COL6A1: variants seen among roughly 807,000 people sequenced by gnomAD.
COL6A1 encodes the protein collagen type VI alpha 1 chain.
COL6A1 carries 80 observed loss-of-function variants against 145.6 expected under a neutral mutation model. The observed-to-expected ratio is 0.55, with a 90% CI of 0.46 to 0.66. COL6A1 has a LOEUF of 0.66. Among genes scored for constraint, COL6A1 ranks in the 30% least tolerant of loss-of-function variants. The pLI, the probability that COL6A1 is intolerant of heterozygous loss-of-function variation, is 0.00. For missense variants in COL6A1, 1,364 were observed against 1,473.8 expected (o/e 0.93, Z 1.22); for synonymous variants, 638 against 622.8 (o/e 1.02, Z -0.36).
At chr21:46,003,241 G>C in intron 34 of COL6A1, 92 bp downstream of exon 34, 1 of 1,607,604 alleles carries the variant, frequency 6.2e-7, no homozygotes, top group Non-Finnish European at 8.5e-7. Context: ...AGGAGGGCCT[G>C]GCGGTCACGA....
At chr21:46,002,173 G>A (rs367916308) in intron 31 of COL6A1, 45 bp from the exon 32 acceptor site, 23 of 1,572,936 alleles carry the variant, frequency 1.5e-5, no homozygotes, top group Middle Eastern at 1.9e-4. Context: ...TCGGCCCCGC[G>A]GCAGGCCTGG....
Position 45,992,358 on chromosome 21 carries a change from C to A in COL6A1, c.1237-5C>A. ...AACGCCGGCGTCTGTTTCTCTTCAT[C>A]CCAGGGGAACCCAGGACCTGACGGT... is the stretch of plus-strand genomic sequence containing the variant. On this transcript the variant is annotated splice_region_variant and splice_polypyrimidine_tract_variant and intron_variant, in intron 17 of 34. Transcript: ENST00000361866. 6.2e-7 allele frequency: 1 copy of A among 1,613,744 alleles called. No individual in the cohort carries two copies. The highest frequency in any genetic ancestry group is 8.5e-7 in the Non-Finnish European group (1 of 1,180,010).
In COL6A1 at chr21:45,986,547, T is replaced by C; in HGVS notation, c.450T>C (p.Asn150=). 2 of 1,564,280 alleles carry C rather than the reference T, an allele frequency of 1.3e-6. No homozygotes were observed. Among genetic ancestry groups the C allele is most frequent in the Non-Finnish European group, 8.7e-7 (1 of 1,154,442 alleles). ...LLVGGSHLKE[N]KYLIVVTDGH... is the part of the protein sequence containing the mutation. Reference sequence around the variant, plus strand: ...CCAGGGGCTCCCACCTGAAGGAGAATAAGTACCTGATTGTGGTGACCGACG... The same window carrying C: ...CCAGGGGCTCCCACCTGAAGGAGAACAAGTACCTGATTGTGGTGACCGACG... Residue 150 remains asparagine (N), a synonymous_variant, in exon 4 of 35, where the codon AAT becomes AAC. Coordinates refer to ENST00000361866, the MANE Select transcript of COL6A1 (RefSeq NM_001848.3).
chr21:45,986,504 C>CA, intron 3 of COL6A1, 22 bp from the exon 4 acceptor site: 2 of 1,552,372 alleles, frequency 1.3e-6, no homozygotes, highest in Non-Finnish European at 1.7e-6. Flanking sequence ...CTCGAGGTCT[C>CA]ACGCTGCCCT....
intron 19 of COL6A1, among the ~76,000 whole-genome samples, chr21:45,993,221 A>T (rs1257729177): frequency 2.6e-5 from 4 of 152,228 alleles, no homozygotes; most frequent in Non-Finnish European, 4.4e-5. Flanking sequence ...CCCAGAGCCG[A>T]GATGCCGGCG....
chr21:45,997,323 C>A, intron 20 of COL6A1, 98 bp from the exon 21 acceptor site: 1 of 1,130,654 alleles, frequency 8.8e-7, no homozygotes, highest in Non-Finnish European at 1.3e-6. Flanking sequence ...GCCTGGGGGC[C>A]CTGATGCCTC....
chr21:45,991,041 G>A lies in COL6A1; in HGVS notation c.1119G>A (p.Lys373=), dbSNP rs775128693. 5 of 1,613,216 alleles carry A rather than the reference G, an allele frequency of 3.1e-6. No individual in the cohort carries two copies. The highest frequency in any genetic ancestry group is 2.2e-5 in the South Asian group (2 of 91,080). The part of the protein sequence containing the change: ...DPGAFGLKGE[K]GEPGADGEAG... ...GTGCCTTTGGACTGAAAGGAGAAAAGGTGAGTGACTTGCGGCCCCTGGAGG... is the reference window on the plus strand; with the variant it reads ...GTGCCTTTGGACTGAAAGGAGAAAAAGTGAGTGACTTGCGGCCCCTGGAGG... The change falls in exon 15 of 35, where the codon AAG becomes AAA. Residue 373 remains lysine, a splice_region_variant and synonymous_variant. Transcript: ENST00000361866.
intron 9 of COL6A1, 84 bp from the exon 10 acceptor site, chr21:45,989,524 G>A (rs1397645181): frequency 5.7e-6 from 8 of 1,396,772 alleles, no homozygotes; most frequent in South Asian, 2.3e-5. Context: ...GGCCTGGGCT[G>A]GAGGGAGGGG....
At chr21:45,998,366 C>T (rs1249997522) in intron 23 of COL6A1, 32 bp from the exon 24 acceptor site, 1 of 1,613,144 alleles carries the variant, frequency 6.2e-7, no homozygotes, top group Non-Finnish European at 8.5e-7. Flanking sequence ...CAAATCAGAA[C>T]CCGGTATCAC....
chr21:45,989,283 C>T lies in COL6A1; in HGVS notation c.858+146C>T, dbSNP rs1247185505. ...GTGGGTGGGAGCAGACCTGGAGGGG[C>T]CACAGCCCAGCCATCCTTCCACACA... On this transcript the variant is annotated intron_variant, in intron 9 of 34. Transcript: ENST00000361866. 10 of 908,502 alleles carry T rather than the reference C, an allele frequency of 1.1e-5. No individual in the cohort carries two copies. The South Asian group carries it at 1.5e-4, about 14-fold the overall frequency. 56.3% of individuals were successfully genotyped at this position (908,502 alleles called of 1,614,324 possible).
In COL6A1 at chr21:45,982,093, C is replaced by G. The variant is rs1330915240; in HGVS notation, c.97+146C>G. 4.2e-6 allele frequency: 3 copies of G among 722,242 alleles called. No homozygotes were observed. In the African/African-American group the frequency reaches 5.3e-5, roughly 13 times the overall value. 44.7% of individuals were successfully genotyped at this position (722,242 alleles called of 1,614,324 possible). ...CCCCACTCCCCGCTCGGGGCGGCTG[C>G]AGCGCCCAGCTCTGCCCCACCGGGC... On this transcript the variant is annotated intron_variant, in intron 1 of 34. Transcript: ENST00000361866.
Position 45,999,688 on chromosome 21 carries a change from C to G in COL6A1, c.1772C>G (p.Pro591Arg), listed in dbSNP as rs1020480977. 1 of 1,612,354 alleles carries G rather than the reference C, an allele frequency of 6.2e-7. No individual in the cohort carries two copies. Among genetic ancestry groups the G allele is most frequent in the Non-Finnish European group, 8.5e-7 (1 of 1,179,448 alleles). Residue 591 changes from proline to arginine, a missense_variant, in exon 27 of 35, where the codon CCG (proline) becomes CGG (arginine). Transcript: ENST00000361866. Reference protein sequence around the residue: ...GPPGHQGPPGPDECEILDIIM... With the variant: ...GPPGHQGPPGRDECEILDIIM... ...CCAGGACACCAAGGACCGCCTGGGC[C>G]GGACGTAAGTGGGGCTCTGTGAACA...
rs1293323730 is a variant in COL6A1, at chr21:45,991,995, C to T, written c.1120-15C>T. 6.4e-7 allele frequency: 1 copy of T among 1,569,954 alleles called. No individual in the cohort carries two copies. The highest frequency in any genetic ancestry group is 2.4e-5 in the East Asian group (1 of 42,404). On this transcript the variant is annotated splice_polypyrimidine_tract_variant and intron_variant, in intron 15 of 34. Coordinates refer to ENST00000361866, the MANE Select transcript of COL6A1 (RefSeq NM_001848.3). ...CACCCCTGCCAGCGTGTGTGACTCCCCCGGTCTTCCCCAGGGCGAGCCTGG... is the reference window on the plus strand; with the variant it reads ...CACCCCTGCCAGCGTGTGTGACTCCTCCGGTCTTCCCCAGGGCGAGCCTGG...
intron 8 of COL6A1, among the ~76,000 whole-genome samples, chr21:45,988,470 G>GC (rs553996487): frequency 6.5e-5 from 9 of 138,508 alleles, no homozygotes; most frequent in East Asian, 4.6e-4. Flanking sequence ...GGATGTCGGG[G>GC]TCCAGATGGA....
chr21:45,997,759 A>G lies in COL6A1; in HGVS notation c.1521A>G (p.Glu507=), dbSNP rs781233511. ...CTGGAGACCCGGGGCTGATGGGTGAAAGGGTGAGTGTCCAACAGCTCGGGC... is the reference window on the plus strand; with the variant it reads ...CTGGAGACCCGGGGCTGATGGGTGAGAGGGTGAGTGTCCAACAGCTCGGGC... The part of the protein sequence containing the change: ...GPPGDPGLMG[E]RGEDGPAGNG... The change falls in exon 22 of 35, where the codon GAA becomes GAG. Residue 507 remains glutamate, a synonymous_variant. Coordinates refer to ENST00000361866, the MANE Select transcript of COL6A1 (RefSeq NM_001848.3). The G allele has an allele frequency of 3.3e-5, 52 of 1,590,110 alleles. No homozygotes were observed. The highest frequency in any genetic ancestry group is 1.8e-4 in the Middle Eastern group (1 of 5,604).
At chr21:45,995,971 G>C (rs920341363) in intron 20 of COL6A1, among the ~76,000 whole-genome samples, 1 of 152,214 alleles carries the variant, frequency 6.6e-6, no homozygotes, top group African/African-American at 2.4e-5. Flanking sequence ...CTCAGCCCTT[G>C]CCAGCCTTAC....
chr21:45,984,675 CACAGAGAGAGACAGAG>C (rs1569517731), intron 3 of COL6A1, among the ~76,000 whole-genome samples: 1 of 148,808 alleles, frequency 6.7e-6, no homozygotes, highest in East Asian at 2.0e-4. Flanking sequence ...GAGAAACAGA[CACAGAGAGAGACAGAG>C]ACAGAGAGAG....
Position 45,989,529 on chromosome 21 carries a change from G to A in COL6A1, c.859-79G>A, listed in dbSNP as rs544298939. On this transcript the variant is annotated intron_variant, in intron 9 of 34. Coordinates refer to ENST00000361866, the MANE Select transcript of COL6A1 (RefSeq NM_001848.3). The stretch of plus-strand genomic sequence containing the variant: ...GGCCTGACCAGGCCTGGGCTGGAGG[G>A]AGGGGTGTGGGGCTGGGTGGGACTG... 1.3e-5 allele frequency: 18 copies of A among 1,429,260 alleles called. No homozygotes were observed. In the South Asian group the frequency reaches 1.8e-4, roughly 15 times the overall value. The allele number at this position is 1,429,260 out of a possible 1,614,324, so 88.5% of individuals were successfully genotyped here.
At chr21:46,000,620 CAGGAGGCCGGGGAAGGG>C in intron 28 of COL6A1, 122 bp from the exon 29 acceptor site, 2 of 1,400,108 alleles carry the variant, frequency 1.4e-6, no homozygotes, top group South Asian at 2.3e-5. Context: ...GGAGGCGGGG[CAGGAGGCCGGGGAAGGG>C]GGGAGGCCGG....
Sources: gnomAD v4.1 joint callset for allele counts (sites outside exome capture counted in the v4.1 genomes callset) on GRCh38, gnomAD v4.1.1 for gene constraint, MANE v1.5 for transcripts, NCBI Gene and HGNC (gene_info 2026-07-23, HGNC 2026-07-21) for gene names.